Variants in IGF2BP1 observed in about 807,000 individuals in gnomAD.
IGF2BP1 encodes the protein insulin like growth factor 2 mRNA binding protein 1.
IGF2BP1 carries 11 observed loss-of-function variants against 74.9 expected under a neutral mutation model. The ratio of observed to expected loss-of-function variants is 0.15; its 90% CI spans 0.09 to 0.24. IGF2BP1 has a LOEUF of 0.24. Ranked by LOEUF, IGF2BP1 falls within the 10% of genes least tolerant of loss-of-function variation. The pLI, the probability that IGF2BP1 is intolerant of heterozygous loss-of-function variation, is 1.00. For missense variants in IGF2BP1, 440 were observed against 757.4 expected (o/e 0.58, Z 4.92); for synonymous variants, 287 against 281.8 (o/e 1.02, Z -0.18).
At chr17:48,999,923 GGTGTGTGTGTGTGT>G (rs371605973) in intron 2 of IGF2BP1, among the ~76,000 whole-genome samples, 5 of 134,024 alleles carry the variant, frequency 3.7e-5, no homozygotes, top group Non-Finnish European at 4.7e-5. Context: ...GTGGATGAAT[GGTGTGTGTGTGTGT>G]GTGTGTGTGT....
intron 1 of IGF2BP1, 100 bp downstream of exon 1, chr17:48,998,020 G>A (rs2041429469): frequency 1.4e-6 from 2 of 1,400,660 alleles, no homozygotes; most frequent in Admixed American, 4.1e-5. Context: ...TCTCTTCCCG[G>A]GCCTGCGGGG....
intron 7 of IGF2BP1, among the ~76,000 whole-genome samples, chr17:49,040,941 T>C (rs1018639197): frequency 2.4e-4 from 36 of 152,212 alleles, no homozygotes; most frequent in African/African-American, 6.3e-4. Context: ...CGGTGGCTCA[T>C]GCCTCTAATC....
rs60435777 is a variant in IGF2BP1, at chr17:49,044,503, C to T, written c.1320+417C>T. Among the ~76,000 whole-genome samples the T allele has an allele frequency of 3.9e-4, 60 of 152,354 alleles. No individual in the cohort carries two copies. The East Asian group carries it at 0.011, about 28-fold the overall frequency. ...CAAGTAAGTGTTAGTTGTCTGTCAC[C>T]TTCCCTGGCCAAGGTCCAGGGGAGA... is the stretch of plus-strand genomic sequence containing the variant. On this transcript the variant is annotated intron_variant, in intron 11 of 14. Transcript: ENST00000290341.
At position 48,997,572 on chromosome 17, in the gene IGF2BP1, G is replaced by A. The variant is rs2041422043; in HGVS notation, c.-174G>A. On this transcript the variant is annotated 5_prime_UTR_variant, in exon 1 of 15. Coordinates refer to ENST00000290341, the MANE Select transcript of IGF2BP1 (RefSeq NM_006546.4). The surrounding 1 kb of genome is among the most constrained non-coding windows in gnomAD (Gnocchi z 4.8). ...CCCCGAACTCTCCCGCGACCTCTGC[G>A]CGCCCTCAGGCCGCCTTCCCCGCCC... is the stretch of plus-strand genomic sequence containing the variant. The A allele has an allele frequency of 3.1e-6, 2 of 642,288 alleles. No homozygotes were observed. Among genetic ancestry groups the A allele is most frequent in the Non-Finnish European group, 5.3e-6 (2 of 379,466 alleles). The allele number at this position is 642,288 out of a possible 1,614,324, so 39.8% of individuals were successfully genotyped here.
intron 7 of IGF2BP1, 99 bp downstream of exon 7, chr17:49,040,190 A>T: frequency 1.6e-6 from 2 of 1,286,350 alleles, no homozygotes; most frequent in Non-Finnish European, 1.1e-6. Flanking sequence ...TAAGAAATAC[A>T]GTCAGCAATT....
chr17:49,003,538 A>G (rs555566582), intron 2 of IGF2BP1, among the ~76,000 whole-genome samples: 5 of 152,256 alleles, frequency 3.3e-5, no homozygotes, highest in Non-Finnish European at 7.4e-5. Context: ...GGTTGTTAGA[A>G]TAAGTTTATG....
At chr17:49,010,479 G>A (rs564299393) in intron 2 of IGF2BP1, among the ~76,000 whole-genome samples, 4 of 151,440 alleles carry the variant, frequency 2.6e-5, no homozygotes, top group South Asian at 2.1e-4. Context: ...CACCACGCCC[G>A]GCTACTTTTT....
At chr17:48,999,924 G>GT (rs1567807065) in intron 2 of IGF2BP1, among the ~76,000 whole-genome samples, 1 of 20,378 alleles carries the variant, frequency 4.9e-5, no homozygotes, top group African/African-American at 2.4e-4. Flanking sequence ...TGGATGAATG[G>GT]TGTGTGTGTG....
At chr17:49,008,716 T>C (rs1259635280) in intron 2 of IGF2BP1, among the ~76,000 whole-genome samples, 2 of 152,186 alleles carry the variant, frequency 1.3e-5, no homozygotes, top group African/African-American at 4.8e-5. Flanking sequence ...CCTGGGAGTG[T>C]GTGTGGGGTC....
At chr17:49,021,357 G>A (rs2041790148) in intron 2 of IGF2BP1, among the ~76,000 whole-genome samples, 1 of 152,016 alleles carries the variant, frequency 6.6e-6, no homozygotes, top group African/African-American at 2.4e-5. Flanking sequence ...GCTGTTGCAA[G>A]GATGCTCTTT....
Position 48,999,185 on chromosome 17 carries a change from T to TTCCTACC in IGF2BP1, c.236+17_236+18insCCTACCT. The TTCCTACC allele has an allele frequency of 1.5e-6, 1 of 675,356 alleles. No homozygotes were observed. The highest frequency in any genetic ancestry group is 2.4e-6 in the Non-Finnish European group (1 of 410,458). The allele number at this position is 675,356 out of a possible 1,614,324, so 41.8% of individuals were successfully genotyped here. ...AAAAACAAAGGTAGGAAAGAGCTCT[T>TTCCTACC]TTCGGGGGGGGTGGGGGGGCCGCGG... On this transcript the variant is annotated intron_variant, in intron 2 of 14. Coordinates refer to ENST00000290341, the MANE Select transcript of IGF2BP1 (RefSeq NM_006546.4).
chr17:49,008,535 C>CT (rs1474050514), intron 2 of IGF2BP1, among the ~76,000 whole-genome samples: 1 of 152,198 alleles, frequency 6.6e-6, no homozygotes, highest in Non-Finnish European at 1.5e-5. Context: ...TCACAAACCT[C>CT]TAATATTTCT....
chr17:49,007,552 C>G (rs1367682492), intron 2 of IGF2BP1, among the ~76,000 whole-genome samples: 1 of 152,184 alleles, frequency 6.6e-6, no homozygotes, highest in Non-Finnish European at 1.5e-5. Flanking sequence ...GGTTTTCAGT[C>G]TTTTAACAGG....
At chr17:49,014,320 C>T (rs2041664084) in intron 2 of IGF2BP1, among the ~76,000 whole-genome samples, 1 of 143,954 alleles carries the variant, frequency 6.9e-6, no homozygotes, top group African/African-American at 2.6e-5. Flanking sequence ...CCCTCAGTCT[C>T]AGCCCCCCAG....
chr17:49,019,971 CACACAT>C lies in IGF2BP1; in HGVS notation c.237-5642_237-5637del, dbSNP rs1323617331. Among the ~76,000 whole-genome samples the C allele has an allele frequency of 3.6e-3, 285 of 78,404 alleles. 4 individuals are homozygous for C. Among genetic ancestry groups the C allele is most frequent in the African/African-American group, 0.015 (264 of 17,326 alleles). The allele number at this position is 78,404 out of a possible 152,430, so 51.4% of individuals were successfully genotyped here. ...ATATTTATATACACACACACACACA[CACACAT>C]ACACCCACACATATATATACACACA... On this transcript the variant is annotated intron_variant, in intron 2 of 14. Transcript: ENST00000290341.
chr17:48,997,552 A>C lies in IGF2BP1; in HGVS notation c.-194A>C. The C allele has an allele frequency of 3.4e-6, 2 of 594,376 alleles. No individual in the cohort carries two copies. The highest frequency in any genetic ancestry group is 3.1e-5 in the Admixed American group (1 of 32,464). 36.8% of individuals were successfully genotyped at this position (594,376 alleles called of 1,614,324 possible). On this transcript the variant is annotated 5_prime_UTR_variant, in exon 1 of 15. Coordinates refer to ENST00000290341, the MANE Select transcript of IGF2BP1 (RefSeq NM_006546.4). The surrounding 1 kb of genome is among the most constrained non-coding windows in gnomAD (Gnocchi z 4.8). ...GGGCACTTCTCCTGGGCTCTCCCCG[A>C]ACTCTCCCGCGACCTCTGCGCGCCC...
At chr17:49,042,427 C>A (rs762479903) in intron 9 of IGF2BP1, 50 bp downstream of exon 9, 1 of 1,609,664 alleles carries the variant, frequency 6.2e-7, no homozygotes, top group South Asian at 1.1e-5. Context: ...GTCTTAGCAA[C>A]AGCAGCTTGT....
intron 2 of IGF2BP1, 58 bp downstream of exon 2, chr17:48,999,227 TGTG>T: frequency 1.0e-6 from 1 of 1,003,780 alleles, no homozygotes; most frequent in Non-Finnish European, 1.6e-6. Context: ...GCTGTGAAGC[TGTG>T]TTCAGGGGTC....
intron 2 of IGF2BP1, among the ~76,000 whole-genome samples, chr17:49,007,792 C>G (rs1242849121): frequency 6.6e-6 from 1 of 152,152 alleles, no homozygotes; most frequent in Non-Finnish European, 1.5e-5. Context: ...TCTACTTCCT[C>G]CTTAAGGTCT....
Sources: allele counts gnomAD v4.1 joint callset (sites outside exome capture counted in the v4.1 genomes callset), GRCh38; gene constraint gnomAD v4.1.1; non-coding constraint Gnocchi (gnomAD v3.1); transcripts MANE v1.5; gene names NCBI Gene and HGNC (gene_info 2026-07-23, HGNC 2026-07-21).